PRUNE2: variants seen among roughly 807,000 people sequenced by gnomAD.
PRUNE2 encodes protein prune homolog 2.
A neutral mutation model predicts 252.0 loss-of-function variants in PRUNE2; 164 were observed. The observed-to-expected ratio is 0.65, with a 90% confidence interval of 0.57 to 0.74. The LOEUF (loss-of-function observed/expected upper bound fraction) is 0.74. PRUNE2 is among the 30% of genes least tolerant of loss of function. PRUNE2 has a pLI of 0.00. For missense variants in PRUNE2, 3,495 were observed against 3,711.0 expected (o/e 0.94, Z 1.51); for synonymous variants, 1,292 against 1,350.2 (o/e 0.96, Z 0.94).
chr9:76,865,806 T>TACACACAC (rs34661457), intron 1 of PRUNE2, among the ~76,000 whole-genome samples: 1,765 of 127,178 alleles, frequency 0.014, 34 homozygotes, highest in African/African-American at 0.036. Flanking sequence ...TCTCTCTCCC[T>TACACACAC]ACACACACAC....
intron 9 of PRUNE2, chr9:76,687,674 T>C: frequency 4.8e-6 from 2 of 417,126 alleles, no homozygotes; most frequent in South Asian, 1.7e-5. Flanking sequence ...CAACAAACAT[T>C]TGAGTCCTAG....
At position 76,691,634 on chromosome 9, in the gene PRUNE2, A is replaced by C. The variant is rs1375364803; in HGVS notation, c.8276+11703T>G. Among the ~76,000 whole-genome samples the C allele has an allele frequency of 1.3e-5, 2 of 152,236 alleles. 1 individual carries two copies. The highest frequency in any genetic ancestry group is 4.1e-4 in the South Asian group (2 of 4,834). ...AATAGCAATTAGTAATAACATTTAA[A>C]AAATGCCTCTCTACCAGAGCTGTCC... On this transcript the variant is annotated intron_variant, in intron 9 of 18. Transcript: ENST00000376718.
intron 6 of PRUNE2, among the ~76,000 whole-genome samples, chr9:76,747,804 T>C (rs1338689564): frequency 2.0e-5 from 3 of 151,744 alleles, no homozygotes; most frequent in African/African-American, 7.3e-5. Context: ...CTTCTTTTTT[T>C]TTTTTTTTGG....
intron 9 of PRUNE2, among the ~76,000 whole-genome samples, chr9:76,682,156 A>G (rs1390496839): frequency 6.6e-6 from 1 of 152,086 alleles, no homozygotes; most frequent in Non-Finnish European, 1.5e-5. Flanking sequence ...CCCTCAGTAG[A>G]CGGAGTGATT....
chr9:76,806,075 ACTCTCTC>A (rs775521848), intron 6 of PRUNE2, among the ~76,000 whole-genome samples: 40 of 152,126 alleles, frequency 2.6e-4, no homozygotes, highest in Middle Eastern at 3.4e-3. Flanking sequence ...ACCTGAATCA[ACTCTCTC>A]TAAACCAGTG....
At position 76,638,266 on chromosome 9, in the gene PRUNE2, A is replaced by T. The variant is rs930853704; in HGVS notation, c.8751T>A (p.Asn2917Lys). 6 of 1,613,534 alleles carry T rather than the reference A, an allele frequency of 3.7e-6. No individual in the cohort carries two copies. In the African/African-American group the frequency reaches 5.3e-5, roughly 14 times the overall value. ...AACAGGCGGCAAACACAATGATGGC[A>T]TTTAGACCGTCCCCATAGTATCCTG... ...SHGGYYGDGL[N>K]AIIVFAACFL... Residue 2917 changes from asparagine (N) to lysine (K), a missense_variant, in exon 13 of 19, where the codon AAT becomes AAA. Asn to Lys is a moderately conservative substitution (Grantham distance 94, BLOSUM62 0). Coordinates refer to ENST00000376718, the MANE Select transcript of PRUNE2 (RefSeq NM_015225.3).
chr9:76,652,343 T>C, intron 11 of PRUNE2, 140 bp downstream of exon 11: 1 of 664,906 alleles, frequency 1.5e-6, no homozygotes, highest in East Asian at 2.5e-5. Flanking sequence ...CTGTCAATCA[T>C]GGCCACCTAT....
At chr9:76,848,090 C>A (rs1397625478) in intron 3 of PRUNE2, among the ~76,000 whole-genome samples, 1 of 152,114 alleles carries the variant, frequency 6.6e-6, no homozygotes, top group Non-Finnish European at 1.5e-5. Context: ...ACGGTGAAAC[C>A]CCGTCTCTAC....
rs190606277 is a variant in PRUNE2, at chr9:76,704,067, C to A, written c.7546G>T (p.Glu2516Ter). 1.1e-3 allele frequency: 1,790 copies of A among 1,601,110 alleles called. 1 individual carries two copies. The highest frequency in any genetic ancestry group is 1.4e-3 in the Non-Finnish European group (1,590 of 1,175,602). Residue 2516 changes from glutamate to a stop codon, truncating the protein, a stop_gained, in exon 9 of 19, where the codon GAA becomes TAA. Transcript: ENST00000376718. LOFTEE classifies it high-confidence loss of function. ...ASKEISELEE[E>*]KTIPTKEPEQ... ...GGCTCTTTGGTAGGAATTGTTTTTTCTTCTTCCAATTCTGATATTTCCTTG... is the reference window on the plus strand; with the variant it reads ...GGCTCTTTGGTAGGAATTGTTTTTTATTCTTCCAATTCTGATATTTCCTTG...
chr9:76,629,211 T>G lies in PRUNE2; in HGVS notation c.9130A>C (p.Ile3044Leu), dbSNP rs1281141321. The part of the protein sequence containing the change: ...SGLIPMDCIH[I>L]PESIIKLDEE... ...ACTTACTTGATGATGCTCTCTGGAA[T>G]GTGGATGCAATCCATTGGGATCAGC... The change falls in exon 16 of 19, where the codon ATT becomes CTT. Residue 3044 changes from isoleucine to leucine, a missense_variant. Coordinates refer to ENST00000376718, the MANE Select transcript of PRUNE2 (RefSeq NM_015225.3). The G allele has an allele frequency of 6.2e-7, 1 of 1,601,660 alleles. No homozygotes were observed. Among genetic ancestry groups the G allele is most frequent in the African/African-American group, 1.3e-5 (1 of 74,614 alleles).
chr9:76,645,027 C>T, intron 11 of PRUNE2, 118 bp from the exon 12 acceptor site: 1 of 898,612 alleles, frequency 1.1e-6, no homozygotes, highest in South Asian at 1.8e-5. Context: ...TGTTTTGTTT[C>T]ATCCTGCAGA....
At chr9:76,785,863 A>T (rs956818298) in intron 6 of PRUNE2, 1 of 152,150 alleles carries the variant, frequency 6.6e-6, no homozygotes, top group Admixed American at 6.5e-5. Flanking sequence ...TATCACCACC[A>T]TATCTCATTA....
chr9:76,845,890 A>C (rs2059643573), intron 4 of PRUNE2, among the ~76,000 whole-genome samples: 1 of 152,250 alleles, frequency 6.6e-6, no homozygotes, highest in Non-Finnish European at 1.5e-5. Context: ...TTCTAGCTTG[A>C]AAACCACTCT....
At chr9:76,894,796 G>C (rs564233380) in intron 1 of PRUNE2, among the ~76,000 whole-genome samples, 80 of 151,776 alleles carry the variant, frequency 5.3e-4, no homozygotes, top group African/African-American at 1.5e-3. Flanking sequence ...GAGGTGGGTG[G>C]ATCACCTGAG....
At chr9:76,714,411 T>C (rs1434238816) in intron 6 of PRUNE2, among the ~76,000 whole-genome samples, 1 of 152,198 alleles carries the variant, frequency 6.6e-6, no homozygotes, top group Non-Finnish European at 1.5e-5. Flanking sequence ...TTATTTATTT[T>C]TGAGACAGGG....
rs200283459 is a variant in PRUNE2 at position 76,708,996 on chromosome 9, C to G, written c.3278G>C (p.Arg1093Pro). The G allele has an allele frequency of 6.2e-7, 1 of 1,613,904 alleles. No individual in the cohort carries two copies. The highest frequency in any genetic ancestry group is 1.7e-5 in the Admixed American group (1 of 60,010). ...GCTGCTGTGCAAAAGTGTGAGTTGTCGGTTTGTTTCATTGTACAGTTGCAT... is the reference window on the plus strand; with the variant it reads ...GCTGCTGTGCAAAAGTGTGAGTTGTGGGTTTGTTTCATTGTACAGTTGCAT... Reference protein sequence around the residue: ...SMMQLYNETNRQLTLLHSSTN... With the variant: ...SMMQLYNETNPQLTLLHSSTN... The change falls in exon 8 of 19, where the codon CGA becomes CCA. Residue 1093 changes from arginine to proline, a missense_variant. Coordinates refer to ENST00000376718, the MANE Select transcript of PRUNE2 (RefSeq NM_015225.3).
At chr9:76,814,695 T>C (rs1392653796) in intron 6 of PRUNE2, among the ~76,000 whole-genome samples, 6 of 152,174 alleles carry the variant, frequency 3.9e-5, no homozygotes, top group Admixed American at 3.9e-4. Context: ...GTTTATTCCA[T>C]GCCTTTAGTG....
chr9:76,705,357 G>T lies in PRUNE2; in HGVS notation c.6917C>A (p.Ala2306Asp). Reference sequence around the variant, plus strand: ...TCCCGTGGATGTGTTGAGACCTGAGGCATCGCTGAAACTGTGGTCAAAGGC... The same window carrying T: ...TCCCGTGGATGTGTTGAGACCTGAGTCATCGCTGAAACTGTGGTCAAAGGC... ...EAAFDHSFSD[A>D]SGLNTSTGTI... Residue 2306 changes from alanine (A) to aspartate (D), a missense_variant, in exon 8 of 19, where the codon GCC (alanine) becomes GAC (aspartate). Physicochemically the swap from Ala to Asp is moderately radical, Grantham distance 126. Coordinates refer to ENST00000376718, the MANE Select transcript of PRUNE2 (RefSeq NM_015225.3). The T allele has an allele frequency of 6.2e-7, 1 of 1,614,002 alleles. No individual in the cohort carries two copies. The highest frequency in any genetic ancestry group is 8.5e-7 in the Non-Finnish European group (1 of 1,179,874).
intron 6 of PRUNE2, among the ~76,000 whole-genome samples, chr9:76,793,835 A>G (rs949969984): frequency 4.6e-5 from 7 of 152,190 alleles, no homozygotes; most frequent in Admixed American, 2.6e-4. Flanking sequence ...TAGGTCTAGA[A>G]TCCCAGTCTT....
Sources: gnomAD v4.1 joint callset for allele counts (sites outside exome capture counted in the v4.1 genomes callset) on GRCh38, gnomAD v4.1.1 for gene constraint, MANE v1.5 for transcripts, NCBI Gene and HGNC (gene_info 2026-07-23, HGNC 2026-07-21) for gene names.